The following OR2L13 variants were observed in gnomAD, a reference collection of about 807,000 sequenced individuals.
The protein encoded by OR2L13 is olfactory receptor family 2 subfamily L member 13.
In OR2L13, 14 loss-of-function variants were observed where a neutral mutation model predicts 15.3. The observed-to-expected ratio is 0.91, with a 90% CI of 0.60 to 1.43. OR2L13 has a LOEUF of 1.43. OR2L13 is among the 40% of genes most tolerant of loss of function. OR2L13 has a pLI of 0.00. For synonymous variants in OR2L13, 152 were observed against 142.9 expected (o/e 1.06, Z -0.45); for missense variants, 367 against 387.9 (o/e 0.95, Z 0.45).
chr1:248,002,529 A>G, the OR2L13 span, among the ~76,000 whole-genome samples: 2 of 152,178 alleles, frequency 1.3e-5, no homozygotes, highest in Non-Finnish European at 2.9e-5. Context: ...AGCTTCATCC[A>G]TGTTGTAGCA....
At chr1:248,038,990 C>A in the OR2L13 span, 7 of 1,614,104 alleles carry the variant, frequency 4.3e-6, no homozygotes, top group Admixed American at 1.2e-4. Context: ...CAACCTGTAG[C>A]ACCCACCTCA....
chr1:248,028,403 G>C, the OR2L13 span, among the ~76,000 whole-genome samples: 5,603 of 152,158 alleles, frequency 0.037, 353 homozygotes, highest in African/African-American at 0.13. Context: ...TTTAACAAAA[G>C]ATTTGACATA....
the OR2L13 span, among the ~76,000 whole-genome samples, chr1:247,939,965 A>G: frequency 6.6e-6 from 1 of 152,192 alleles, no homozygotes; most frequent in African/African-American, 2.4e-5. Flanking sequence ...AAAAACATGT[A>G]CTAATATAAT....
chr1:248,074,030 A>ACC, the OR2L13 span, among the ~76,000 whole-genome samples: 2 of 152,126 alleles, frequency 1.3e-5, no homozygotes, highest in African/African-American at 2.4e-5. Context: ...GAAATATACC[A>ACC]TTAAAATAAT....
At chr1:247,991,169 C>A in the OR2L13 span, 3 of 1,605,288 alleles carry the variant, frequency 1.9e-6, no homozygotes, top group Non-Finnish European at 2.6e-6. Flanking sequence ...GGGGCCCTGA[C>A]ACGAGTGATT....
the OR2L13 span, among the ~76,000 whole-genome samples, chr1:248,050,482 TATTATATA>T: frequency 6.6e-6 from 1 of 151,998 alleles, no homozygotes; most frequent in Non-Finnish European, 1.5e-5. Context: ...ATTTAAATAA[TATTATATA>T]ATAGGACATT....
the OR2L13 span, among the ~76,000 whole-genome samples, chr1:248,043,166 C>G: frequency 6.6e-6 from 1 of 152,084 alleles, no homozygotes; most frequent in East Asian, 1.9e-4. Context: ...TTTGAGCTAC[C>G]CATTCCCATG....
the OR2L13 span, among the ~76,000 whole-genome samples, chr1:247,969,986 T>A: frequency 6.6e-6 from 1 of 152,166 alleles, no homozygotes; most frequent in Non-Finnish European, 1.5e-5. Flanking sequence ...CCCGGCCAAC[T>A]CCTATGCAGA....
At chr1:248,005,845 A>G in the OR2L13 span, among the ~76,000 whole-genome samples, 6 of 152,188 alleles carry the variant, frequency 3.9e-5, no homozygotes, top group Non-Finnish European at 7.3e-5. Flanking sequence ...TTGTTTTACA[A>G]TGTCGTAGCA....
the OR2L13 span, among the ~76,000 whole-genome samples, chr1:247,951,334 T>C: frequency 6.6e-6 from 1 of 152,210 alleles, no homozygotes; most frequent in Non-Finnish European, 1.5e-5. Context: ...GTCATTGGTA[T>C]TTTGACAGAC....
chr1:247,971,055 G>C, the OR2L13 span, among the ~76,000 whole-genome samples: 6 of 152,130 alleles, frequency 3.9e-5, no homozygotes, highest in Non-Finnish European at 5.9e-5. Context: ...GCTTTAAAGA[G>C]ACTGTTGATT....
intron 2 of OR2L13, 113 bp from the exon 3 acceptor site, chr1:248,099,245 G>C: frequency 3.1e-6 from 2 of 652,512 alleles, no homozygotes; most frequent in African/African-American, 3.6e-5. Flanking sequence ...AGTGTTAGTG[G>C]AGAAACAACT....
chr1:247,994,995 G>T, the OR2L13 span, among the ~76,000 whole-genome samples: 1 of 151,996 alleles, frequency 6.6e-6, no homozygotes, highest in Non-Finnish European at 1.5e-5. Flanking sequence ...CTCTCCATTG[G>T]CTAATTCCTT....
At chr1:248,011,387 TC>T in the OR2L13 span, among the ~76,000 whole-genome samples, 1 of 152,176 alleles carries the variant, frequency 6.6e-6, no homozygotes, top group Non-Finnish European at 1.5e-5. Context: ...TTATCATTTT[TC>T]CTTCAGTTTA....
chr1:248,084,647 T>A, the OR2L13 span: 1 of 1,536,296 alleles, frequency 6.5e-7, no homozygotes, highest in East Asian at 2.3e-5. Flanking sequence ...AGGAAGAGGC[T>A]TTTATCATCT....
At chr1:248,097,149 C>G (rs1034833990), upstream of OR2L13, 1 of 152,150 alleles carries the variant, frequency 6.6e-6, no homozygotes, top group Non-Finnish European at 1.5e-5. Context: ...CTTTCTTTAC[C>G]TTAAAAACTT....
the OR2L13 span, chr1:248,039,204 T>C: frequency 1.9e-6 from 3 of 1,603,718 alleles, no homozygotes; most frequent in Non-Finnish European, 2.6e-6. Context: ...AGTGAAAATG[T>C]AGACATACGT....
the OR2L13 span, among the ~76,000 whole-genome samples, chr1:248,049,910 A>G: frequency 2.0e-5 from 3 of 152,192 alleles, no homozygotes; most frequent in African/African-American, 7.2e-5. Context: ...GTATGTATAT[A>G]TGTATATATG....
At chr1:248,028,097 C>T in the OR2L13 span, among the ~76,000 whole-genome samples, 6 of 140,566 alleles carry the variant, frequency 4.3e-5, no homozygotes, top group South Asian at 2.3e-4. Context: ...GCCGAGATCA[C>T]GCCACTGCAC....
Sources: gnomAD v4.1 joint callset for allele counts (sites outside exome capture counted in the v4.1 genomes callset) on GRCh38, gnomAD v4.1.1 for gene constraint, MANE v1.5 for transcripts, NCBI Gene and HGNC (gene_info 2026-07-23, HGNC 2026-07-21) for gene names.